ATP8A2: variants seen among roughly 807,000 people sequenced by gnomAD.
The protein encoded by ATP8A2 is ATPase phospholipid transporting 8A2, also known as phospholipid-transporting ATPase IB.
A neutral mutation model predicts 165.6 loss-of-function variants in ATP8A2; 100 were observed. That is an observed-to-expected ratio of 0.60 (90% CI 0.51 to 0.71). The LOEUF (loss-of-function observed/expected upper bound fraction) is 0.71, where lower values mean the gene tolerates loss of function less well. Among genes scored for constraint, ATP8A2 ranks in the 30% least tolerant of loss-of-function variants. The probability of loss-of-function intolerance (pLI) is 0.00; values close to 1 mark genes in which losing one functional copy is unlikely to be tolerated. For missense variants in ATP8A2, 1,227 were observed against 1,479.5 expected (o/e 0.83, Z 2.80); for synonymous variants, 543 against 548.8 (o/e 0.99, Z 0.15).
intron 28 of ATP8A2, among the ~76,000 whole-genome samples, chr13:25,831,040 A>G (rs986964539): frequency 2.0e-5 from 3 of 152,100 alleles, no homozygotes; most frequent in African/African-American, 7.2e-5. Flanking sequence ...ACTGCCTGCA[A>G]GAGAACATTT....
chr13:25,453,434 T>C (rs1365616705), intron 1 of ATP8A2, among the ~76,000 whole-genome samples: 3 of 152,150 alleles, frequency 2.0e-5, no homozygotes, highest in African/African-American at 7.2e-5. Context: ...TAAGTGTGAA[T>C]GCCAGGGATT....
chr13:25,648,068 T>G (rs540640354), intron 24 of ATP8A2, among the ~76,000 whole-genome samples: 3 of 152,320 alleles, frequency 2.0e-5, no homozygotes, highest in African/African-American at 7.2e-5. Context: ...AGGCCAGGTC[T>G]CTTGATGATA....
intron 24 of ATP8A2, among the ~76,000 whole-genome samples, chr13:25,654,713 A>G (rs2041888385): frequency 1.3e-5 from 2 of 152,274 alleles, no homozygotes; most frequent in African/African-American, 4.8e-5. Context: ...TAGACATAGA[A>G]GGTCATCTCC....
chr13:25,582,850 C>T (rs967668267), intron 23 of ATP8A2, among the ~76,000 whole-genome samples: 3 of 152,104 alleles, frequency 2.0e-5, no homozygotes, highest in African/African-American at 7.2e-5. Flanking sequence ...TAAATAATAC[C>T]TGCCTTCTTG....
chr13:25,606,707 C>T (rs12100242), intron 24 of ATP8A2, among the ~76,000 whole-genome samples: 17,568 of 152,122 alleles, frequency 0.12, 1,389 homozygotes, highest in Non-Finnish European at 0.18. Context: ...AGACACCCAT[C>T]CACCCACACA....
Position 25,523,435 on chromosome 13 carries a change from G to T in ATP8A2, c.222-6564G>T, listed in dbSNP as rs150939671. On this transcript the variant is annotated intron_variant, in intron 2 of 36. Coordinates refer to ENST00000381655, the MANE Select transcript of ATP8A2 (RefSeq NM_016529.6). ...CTTCAGGCACACACCACCTTGCCTG[G>T]CTAGGTATTAGTTCTTCTTTAAATG... 5.2e-3 allele frequency among the ~76,000 whole-genome samples: 793 copies of T among 152,132 alleles called. 6 individuals are homozygous for T. The highest frequency in any genetic ancestry group is 0.018 in the African/African-American group (759 of 41,516).
intron 27 of ATP8A2, among the ~76,000 whole-genome samples, chr13:25,789,470 G>A (rs572608889): frequency 3.3e-5 from 5 of 152,180 alleles, no homozygotes; most frequent in Middle Eastern, 3.4e-3. Flanking sequence ...GAGTCAAATC[G>A]GGAAAACAAT....
chr13:25,525,552 A>G (rs545934333), intron 2 of ATP8A2, among the ~76,000 whole-genome samples: 1 of 152,200 alleles, frequency 6.6e-6, no homozygotes, highest in Non-Finnish European at 1.5e-5. Flanking sequence ...TCTCCTTCAT[A>G]GTTGAGGGAC....
At chr13:25,822,356 G>A (rs1296433964) in intron 27 of ATP8A2, among the ~76,000 whole-genome samples, 1 of 152,042 alleles carries the variant, frequency 6.6e-6, no homozygotes, top group Non-Finnish European at 1.5e-5. Context: ...CCCTACAGGT[G>A]GAATCACTTG....
intron 2 of ATP8A2, among the ~76,000 whole-genome samples, chr13:25,492,785 C>G (rs558541175): frequency 6.6e-6 from 1 of 152,154 alleles, no homozygotes; most frequent in Non-Finnish European, 1.5e-5. Context: ...TACCTGTTGG[C>G]TTGTTATTAC....
At chr13:25,990,229 A>G (rs1363113522) in intron 35 of ATP8A2, among the ~76,000 whole-genome samples, 1 of 146,322 alleles carries the variant, frequency 6.8e-6, no homozygotes, top group Non-Finnish European at 1.5e-5. Context: ...ACTGTGCACC[A>G]GGCACTGTTT....
intron 30 of ATP8A2, among the ~76,000 whole-genome samples, chr13:25,854,423 C>T (rs1952095938): frequency 6.6e-6 from 1 of 152,198 alleles, no homozygotes; most frequent in South Asian, 2.1e-4. Context: ...GCAGCTTCAA[C>T]TTCCTGGGCT....
At chr13:25,583,623 T>C (rs2039837611) in intron 23 of ATP8A2, among the ~76,000 whole-genome samples, 1 of 152,150 alleles carries the variant, frequency 6.6e-6, no homozygotes, top group African/African-American at 2.4e-5. Context: ...TGTGTGTTCA[T>C]TTTATTATAC....
intron 26 of ATP8A2, 98 bp from the exon 27 acceptor site, chr13:25,774,751 A>T: frequency 1.5e-6 from 1 of 688,336 alleles, no homozygotes; most frequent in Non-Finnish European, 2.5e-6. Flanking sequence ...GGTTTCCTCT[A>T]CCTACATTAT....
chr13:25,843,404 G>T (rs924653785), intron 30 of ATP8A2, among the ~76,000 whole-genome samples: 2 of 152,116 alleles, frequency 1.3e-5, no homozygotes, highest in Non-Finnish European at 2.9e-5. Context: ...CAATTCATAT[G>T]TCAAAACCTC....
intron 2 of ATP8A2, among the ~76,000 whole-genome samples, chr13:25,513,085 G>T (rs1015154068): frequency 1.5e-4 from 23 of 151,880 alleles, no homozygotes; most frequent in Non-Finnish European, 3.2e-4. Flanking sequence ...CCCGGACGGG[G>T]TGGCTGCCAG....
chr13:25,492,061 T>C (rs1315590416), intron 2 of ATP8A2, among the ~76,000 whole-genome samples: 1 of 151,892 alleles, frequency 6.6e-6, no homozygotes, highest in East Asian at 1.9e-4. Flanking sequence ...TGCAGTTTTA[T>C]TTTTTTTGTT....
intron 30 of ATP8A2, among the ~76,000 whole-genome samples, chr13:25,844,971 G>A (rs1293897876): frequency 1.3e-5 from 2 of 152,180 alleles, no homozygotes; most frequent in Non-Finnish European, 2.9e-5. Flanking sequence ...TCCCTAGAAT[G>A]CTTCCAAGAA....
In ATP8A2 at chr13:25,530,131, C is replaced by T. The variant is rs919810798; in HGVS notation, c.321+33C>T. On this transcript the variant is annotated intron_variant, in intron 3 of 36. Coordinates refer to ENST00000381655, the MANE Select transcript of ATP8A2 (RefSeq NM_016529.6). Reference sequence around the variant, plus strand: ...TTTTTTAACAGTTCCTTGGAATTCACTTAATTACATGTAAAATGAGATTTT... The same window carrying T: ...TTTTTTAACAGTTCCTTGGAATTCATTTAATTACATGTAAAATGAGATTTT... 3.1e-6 allele frequency: 4 copies of T among 1,298,864 alleles called. No homozygotes were observed. The African/African-American group carries it at 5.9e-5, about 19-fold the overall frequency. The allele number at this position is 1,298,864 out of a possible 1,614,324, so 80.5% of individuals were successfully genotyped here. A position where few individuals can be genotyped will look rare whatever the true frequency, so the allele number is the denominator to read the frequency against.
Sources: gnomAD v4.1 joint callset for allele counts (sites outside exome capture counted in the v4.1 genomes callset) on GRCh38, gnomAD v4.1.1 for gene constraint, MANE v1.5 for transcripts, NCBI Gene and HGNC (gene_info 2026-07-23, HGNC 2026-07-21) for gene names.